The following CMIP variants were observed in gnomAD, a reference collection of about 807,000 sequenced individuals.
CMIP encodes c-Maf inducing protein, also known as C-Maf-inducing protein.
A neutral mutation model predicts 97.3 loss-of-function variants in CMIP; 13 were observed. That is an observed-to-expected ratio of 0.13 (90% CI 0.09 to 0.21). The LOEUF (loss-of-function observed/expected upper bound fraction) is 0.21, where lower values mean the gene tolerates loss of function less well. Among genes scored for constraint, CMIP ranks in the 10% least tolerant of loss-of-function variants. The pLI is 1.00. For synonymous variants in CMIP, 538 were observed against 436.3 expected, an observed-to-expected ratio of 1.23 and a Z score of -2.91; for missense variants, 847 against 1,024.9, an observed-to-expected ratio of 0.83 and a Z score of 2.37.
intron 3 of CMIP, among the ~76,000 whole-genome samples, chr16:81,629,504 C>A: frequency 6.6e-6 from 1 of 152,218 alleles, no homozygotes; most frequent in East Asian, 1.9e-4. Flanking sequence ...CCCTTGAACC[C>A]CACCCCACCT....
intron 1 of CMIP, among the ~76,000 whole-genome samples, chr16:81,513,175 G>A (rs2089846174): frequency 6.6e-6 from 1 of 152,278 alleles, no homozygotes; most frequent in Non-Finnish European, 1.5e-5. Flanking sequence ...TCCTCTTCTT[G>A]GTAGGTTGGA....
intron 1 of CMIP, among the ~76,000 whole-genome samples, chr16:81,530,932 C>T (rs1336598520): frequency 1.3e-5 from 2 of 152,212 alleles, no homozygotes; most frequent in Non-Finnish European, 2.9e-5. Context: ...CGCCCTTCTC[C>T]TGCTGAACTG....
rs1028557895 is a variant in CMIP at position 81,611,651 on chromosome 16, C to G, written c.426+3959C>G. The stretch of plus-strand genomic sequence containing the variant: ...TCACTCTGGGCTTCTCTTGCAGGTC[C>G]TTCCTCCAGGCCTCTCACCACCTCT... On this transcript the variant is annotated intron_variant, in intron 2 of 20. Coordinates refer to ENST00000537098, the MANE Select transcript of CMIP (RefSeq NM_198390.3). 9.9e-5 allele frequency among the ~76,000 whole-genome samples: 15 copies of G among 152,112 alleles called. 1 individual carries two copies. Among genetic ancestry groups the G allele is most frequent in the Admixed American group, 7.9e-4 (12 of 15,266 alleles).
intron 10 of CMIP, among the ~76,000 whole-genome samples, chr16:81,687,813 G>A (rs4889366): frequency 0.22 from 33,899 of 152,146 alleles, 3,946 homozygotes; most frequent in Non-Finnish European, 0.25. Flanking sequence ...TGTGCTGGTA[G>A]GTGGTCGGGA....
At chr16:81,679,298 G>T (rs1232642396) in intron 10 of CMIP, among the ~76,000 whole-genome samples, 3 of 152,174 alleles carry the variant, frequency 2.0e-5, no homozygotes, top group Non-Finnish European at 4.4e-5. Context: ...AGCAGTGGGT[G>T]TGTCTAGGCA....
Position 81,693,143 on chromosome 16 carries a change from C to A in CMIP, c.1455-15C>A, listed in dbSNP as rs1906293582. 1 of 1,610,966 alleles carries A rather than the reference C, an allele frequency of 6.2e-7. No individual in the cohort carries two copies. Among genetic ancestry groups the A allele is most frequent in the African/African-American group, 1.3e-5 (1 of 74,974 alleles). ...CTTCTGTTAACCGCCGTGTTTTCCC[C>A]TGTTTTTGTTGCAGAGCTCTCGCAC... is the stretch of plus-strand genomic sequence containing the variant. On this transcript the variant is annotated splice_polypyrimidine_tract_variant and intron_variant, in intron 11 of 20. Coordinates refer to ENST00000537098, the MANE Select transcript of CMIP (RefSeq NM_198390.3).
chr16:81,597,596 G>T (rs74823499), intron 1 of CMIP, among the ~76,000 whole-genome samples: 5 of 125,074 alleles, frequency 4.0e-5, no homozygotes, highest in Admixed American at 7.4e-5. Context: ...AGGGGAGCGG[G>T]GGGGGGGGAG....
chr16:81,607,895 C>G lies in CMIP; in HGVS notation c.426+203C>G, dbSNP rs539727265. Among the ~76,000 whole-genome samples the G allele has an allele frequency of 2.6e-5, 4 of 152,336 alleles. No individual in the cohort carries two copies. The East Asian group carries it at 5.8e-4, about 22-fold the overall frequency. On this transcript the variant is annotated intron_variant, in intron 2 of 20. Coordinates refer to ENST00000537098, the MANE Select transcript of CMIP (RefSeq NM_198390.3). ...AGGACTGTGCATGGCCTGAGCGTCT[C>G]CTGCACACCTGCTGCAGTCTAGGAA...
intron 1 of CMIP, among the ~76,000 whole-genome samples, chr16:81,470,770 T>C (rs1021290619): frequency 6.6e-6 from 1 of 152,244 alleles, no homozygotes; most frequent in African/African-American, 2.4e-5. Flanking sequence ...AATTGGGATT[T>C]TGTAAGTAGA....
chr16:81,555,979 C>T (rs1252042077), intron 1 of CMIP, among the ~76,000 whole-genome samples: 1 of 152,168 alleles, frequency 6.6e-6, no homozygotes, highest in African/African-American at 2.4e-5. Flanking sequence ...ATAGGAGCTC[C>T]ATTGTGACTG....
intron 10 of CMIP, among the ~76,000 whole-genome samples, chr16:81,679,059 G>A (rs1454485905): frequency 6.6e-6 from 1 of 152,202 alleles, no homozygotes; most frequent in African/African-American, 2.4e-5. Context: ...GGAGCACAGG[G>A]GTGCCCAAGT....
intron 1 of CMIP, among the ~76,000 whole-genome samples, chr16:81,560,897 C>T (rs2090869529): frequency 6.6e-6 from 1 of 152,172 alleles, no homozygotes; most frequent in Non-Finnish European, 1.5e-5. Context: ...ATGATGTTCA[C>T]ACAATGGCAT....
intron 3 of CMIP, among the ~76,000 whole-genome samples, chr16:81,626,718 T>C (rs2092072204): frequency 7.0e-6 from 1 of 143,490 alleles, no homozygotes; most frequent in Non-Finnish European, 1.5e-5. Context: ...GGGTGTGTGG[T>C]GTGGGGAGAT....
chr16:81,515,112 A>G (rs2089887344), intron 1 of CMIP, among the ~76,000 whole-genome samples: 1 of 152,162 alleles, frequency 6.6e-6, no homozygotes, highest in African/African-American at 2.4e-5. Context: ...CCCTGTCCCA[A>G]AGCTCTCAGC....
chr16:81,668,926 ACGGCC>A (rs2092643399), intron 7 of CMIP, among the ~76,000 whole-genome samples: 2 of 77,726 alleles, frequency 2.6e-5, no homozygotes, highest in African/African-American at 5.2e-5. Context: ...CCTCACACTC[ACGGCC>A]TTCCACACCC....
intron 1 of CMIP, among the ~76,000 whole-genome samples, chr16:81,481,577 T>C (rs911878632): frequency 1.3e-5 from 2 of 152,162 alleles, no homozygotes; most frequent in Non-Finnish European, 2.9e-5. Context: ...GAGGGTGCTG[T>C]TTCAACTGAG....
intron 1 of CMIP, among the ~76,000 whole-genome samples, chr16:81,561,990 C>T (rs2090892309): frequency 6.6e-6 from 1 of 152,076 alleles, no homozygotes; most frequent in Non-Finnish European, 1.5e-5. Context: ...TGATAAATAC[C>T]TCGGGCAGAG....
At chr16:81,656,174 T>A (rs1486097045) in intron 4 of CMIP, among the ~76,000 whole-genome samples, 1 of 152,206 alleles carries the variant, frequency 6.6e-6, no homozygotes, top group Non-Finnish European at 1.5e-5. Flanking sequence ...AGACTCATGT[T>A]GTTCATTCAG....
chr16:81,461,551 G>A (rs2150738451), intron 1 of CMIP, among the ~76,000 whole-genome samples: 1 of 152,346 alleles, frequency 6.6e-6, no homozygotes, highest in African/African-American at 2.4e-5. Context: ...TGCCATTCTT[G>A]ATGTAGCCCA....
Sources: gnomAD v4.1 joint callset for allele counts (sites outside exome capture counted in the v4.1 genomes callset) on GRCh38, gnomAD v4.1.1 for gene constraint, MANE v1.5 for transcripts, NCBI Gene and HGNC (gene_info 2026-07-23, HGNC 2026-07-21) for gene names.